PDGFRL: variants seen among roughly 807,000 people sequenced by gnomAD.
The protein encoded by PDGFRL is platelet-derived growth factor receptor-like protein.
A neutral mutation model predicts 37.2 loss-of-function variants in PDGFRL; 46 were observed. The observed-to-expected ratio is 1.24, with a 90% CI of 0.98 to 1.58. The LOEUF (loss-of-function observed/expected upper bound fraction) is 1.58. PDGFRL is among the 40% of genes most tolerant of loss of function. The probability of loss-of-function intolerance (pLI) is 0.00; values close to 1 mark genes in which losing one functional copy is unlikely to be tolerated. For synonymous variants in PDGFRL, 251 were observed against 184.3 expected (o/e 1.36, Z -2.93); for missense variants, 692 against 467.6 (o/e 1.48, Z -4.43).
At chr8:17,595,005 A>ATT (rs34890258) in intron 2 of PDGFRL, among the ~76,000 whole-genome samples, 2 of 150,794 alleles carry the variant, frequency 1.3e-5, no homozygotes, top group African/African-American at 4.9e-5. Flanking sequence ...TACCACGTAC[A>ATT]TTTTTTTTTT....
intron 2 of PDGFRL, among the ~76,000 whole-genome samples, chr8:17,593,854 C>G (rs1220852892): frequency 6.7e-6 from 1 of 149,812 alleles, no homozygotes; most frequent in Non-Finnish European, 1.5e-5. Flanking sequence ...TGCCTTTGCA[C>G]TCCAGCCTGG....
intron 5 of PDGFRL, among the ~76,000 whole-genome samples, chr8:17,638,754 T>C (rs1374478745): frequency 1.5e-5 from 1 of 64,886 alleles, no homozygotes; most frequent in Non-Finnish European, 2.9e-5. Context: ...TATATATATA[T>C]ATATATATAT....
chr8:17,579,351 G>T (rs886724492), intron 1 of PDGFRL, among the ~76,000 whole-genome samples: 9 of 151,972 alleles, frequency 5.9e-5, no homozygotes, highest in Non-Finnish European at 2.9e-5. Flanking sequence ...TGTGAGTTGT[G>T]GCCAGGAGCT....
At chr8:17,624,334 G>A (rs2588100) in intron 3 of PDGFRL, among the ~76,000 whole-genome samples, 150,341 of 152,346 alleles carry the variant, frequency 0.99, 74,218 homozygotes, top group East Asian at 1. Flanking sequence ...TTAGTGTGCA[G>A]TTTGTGATTA....
intron 3 of PDGFRL, among the ~76,000 whole-genome samples, chr8:17,621,706 A>C (rs1804638490): frequency 6.6e-6 from 1 of 152,196 alleles, no homozygotes; most frequent in African/African-American, 2.4e-5. Flanking sequence ...TCCCTTTATC[A>C]CAGAAAGTTC....
chr8:17,585,268 C>A (rs1212496653), intron 1 of PDGFRL, among the ~76,000 whole-genome samples: 1 of 152,128 alleles, frequency 6.6e-6, no homozygotes, highest in African/African-American at 2.4e-5. Context: ...CTTGAGCCAA[C>A]CTCCTGTCTC....
intron 2 of PDGFRL, chr8:17,596,391 C>A: frequency 2.0e-6 from 2 of 984,896 alleles, no homozygotes; most frequent in Non-Finnish European, 2.6e-6. Context: ...ATACCACGTA[C>A]ATTTTAAACG....
At chr8:17,611,053 T>C (rs1461433064) in intron 2 of PDGFRL, among the ~76,000 whole-genome samples, 1 of 152,262 alleles carries the variant, frequency 6.6e-6, no homozygotes, top group East Asian at 1.9e-4. Context: ...TTTAAAACAG[T>C]CAACTCATGT....
At chr8:17,604,791 G>T (rs954129341) in intron 2 of PDGFRL, among the ~76,000 whole-genome samples, 1 of 152,114 alleles carries the variant, frequency 6.6e-6, no homozygotes, top group Non-Finnish European at 1.5e-5. Flanking sequence ...ATGAGTCGAG[G>T]ATTTAAAGCC....
At chr8:17,602,321 G>A (rs369041221) in intron 2 of PDGFRL, among the ~76,000 whole-genome samples, 4 of 152,156 alleles carry the variant, frequency 2.6e-5, no homozygotes, top group African/African-American at 9.7e-5. Context: ...GGGACAAGCT[G>A]GCAAGTGGCT....
chr8:17,591,590 G>A (rs951070240), intron 2 of PDGFRL, among the ~76,000 whole-genome samples: 2 of 152,248 alleles, frequency 1.3e-5, no homozygotes, highest in African/African-American at 4.8e-5. Flanking sequence ...AATACCAGAT[G>A]TTGTCTGAGA....
At chr8:17,580,764 C>T (rs1396083327) in intron 1 of PDGFRL, among the ~76,000 whole-genome samples, 1 of 152,118 alleles carries the variant, frequency 6.6e-6, no homozygotes, top group Non-Finnish European at 1.5e-5. Flanking sequence ...GGCTTGTAGT[C>T]CAAAGTCAGT....
At chr8:17,594,479 G>T (rs1246746967) in intron 2 of PDGFRL, among the ~76,000 whole-genome samples, 1 of 152,068 alleles carries the variant, frequency 6.6e-6, no homozygotes, top group Admixed American at 6.6e-5. Context: ...GACCTCAACT[G>T]ATCTGTCTGC....
intron 1 of PDGFRL, among the ~76,000 whole-genome samples, 159 bp downstream of exon 1, chr8:17,577,466 T>TG (rs1291885796): frequency 2.0e-5 from 3 of 151,826 alleles, no homozygotes; most frequent in South Asian, 4.2e-4. Context: ...CCCCTCCTGG[T>TG]GGGGTCTCCT....
intron 2 of PDGFRL, among the ~76,000 whole-genome samples, chr8:17,611,473 C>T (rs1804410530): frequency 6.6e-6 from 1 of 152,188 alleles, no homozygotes; most frequent in South Asian, 2.1e-4. Context: ...ACAAAGGCCA[C>T]TGGACATGGT....
chr8:17,597,488 G>T (rs1804078890), intron 2 of PDGFRL, among the ~76,000 whole-genome samples: 1 of 152,116 alleles, frequency 6.6e-6, no homozygotes, highest in African/African-American at 2.4e-5. Flanking sequence ...AGAAGAAGGA[G>T]ATCTAATGAA....
chr8:17,599,243 G>T (rs1251155879), intron 2 of PDGFRL, among the ~76,000 whole-genome samples: 2 of 152,078 alleles, frequency 1.3e-5, no homozygotes, highest in African/African-American at 4.8e-5. Flanking sequence ...CGTCACCCAA[G>T]CAGTATACAC....
chr8:17,577,659 G>C (rs1338272673), intron 1 of PDGFRL, among the ~76,000 whole-genome samples: 1 of 151,770 alleles, frequency 6.6e-6, no homozygotes, highest in Non-Finnish European at 1.5e-5. Flanking sequence ...GGGAGCCTCG[G>C]ATCGCTTCCA....
chr8:17,614,262 A>G (rs544253111), intron 2 of PDGFRL, among the ~76,000 whole-genome samples: 1 of 152,318 alleles, frequency 6.6e-6, no homozygotes, highest in African/African-American at 2.4e-5. Context: ...TGAGATCATC[A>G]TGCATATTTT....
Sources: allele counts gnomAD v4.1 joint callset (sites outside exome capture counted in the v4.1 genomes callset), GRCh38; gene constraint gnomAD v4.1.1; transcripts MANE v1.5; gene names NCBI Gene and HGNC (gene_info 2026-07-23, HGNC 2026-07-21).